DMP1: variants seen among roughly 807,000 people sequenced by gnomAD.
The protein encoded by DMP1 is dentin matrix protein 1.
A neutral mutation model predicts 14.6 loss-of-function variants in DMP1; 20 were observed. That is an observed-to-expected ratio of 1.37 (90% CI 0.96 to 1.99). The LOEUF (loss-of-function observed/expected upper bound fraction) is 1.99, where lower values mean the gene tolerates loss of function less well. Ranked by LOEUF, DMP1 falls within the 30% of genes most tolerant of loss-of-function variation. DMP1 has a pLI of 0.00. For missense variants in DMP1, 567 were observed against 620.5 expected (o/e 0.91, Z 0.92); for synonymous variants, 197 against 215.3 (o/e 0.91, Z 0.75).
intron 5 of DMP1, 113 bp downstream of exon 5, chr4:87,659,591 T>G: frequency 9.4e-7 from 1 of 1,068,864 alleles, no homozygotes. Context: ...AACTATGAGT[T>G]ATGCTGGCTA....
chr4:87,659,558 C>A, intron 5 of DMP1, 80 bp downstream of exon 5: 1 of 1,310,260 alleles, frequency 7.6e-7, no homozygotes, highest in Non-Finnish European at 1.1e-6. Context: ...TACCTGGCGA[C>A]AGTTCTAAAT....
rs546478347 is a variant in DMP1 at position 87,664,213 on chromosome 4, G to T, written c.*893G>T. ...TATTTTTTCTAAAATCAGTTTGCGT[G>T]CAATGCTAGAAAAAAACTGTTCTCT... On this transcript the variant is annotated 3_prime_UTR_variant, in exon 6 of 6. Transcript: ENST00000339673. The T allele has an allele frequency of 8.6e-4, 131 of 152,530 alleles. No homozygotes were observed. Among genetic ancestry groups the T allele is most frequent in the African/African-American group, 3.0e-3 (125 of 41,518 alleles). The allele number at this position is 152,530 out of a possible 1,614,324, so 9.4% of individuals were successfully genotyped here. A position where few individuals can be genotyped will look rare whatever the true frequency, so the allele number is the denominator to read the frequency against.
intron 3 of DMP1, among the ~76,000 whole-genome samples, chr4:87,657,582 C>T (rs1487153962): frequency 6.6e-6 from 1 of 152,112 alleles, no homozygotes; most frequent in Non-Finnish European, 1.5e-5. Context: ...ATTTTCACAC[C>T]TCTGTGAATT....
At chr4:87,654,947 T>C (rs1346282898) in intron 1 of DMP1, among the ~76,000 whole-genome samples, 1 of 152,166 alleles carries the variant, frequency 6.6e-6, no homozygotes, top group Non-Finnish European at 1.5e-5. Flanking sequence ...GGTAAAGATC[T>C]CAGGGCCCAC....
chr4:87,657,084 G>A lies in DMP1; in HGVS notation c.102+5G>A, dbSNP rs1326454509. 2 of 1,489,374 alleles carry A rather than the reference G, an allele frequency of 1.3e-6. No homozygotes were observed. Among genetic ancestry groups the A allele is most frequent in the Non-Finnish European group, 1.9e-6 (2 of 1,068,076 alleles). The allele number at this position is 1,489,374 out of a possible 1,614,324, so 92.3% of individuals were successfully genotyped here. A position where few individuals can be genotyped will look rare whatever the true frequency, so the allele number is the denominator to read the frequency against. ...GAGGATTCTGAAGAATGGAAGGTGA[G>A]TAGAAATATGACTTTTTGAAATATT... On this transcript the variant is annotated splice_donor_5th_base_variant and intron_variant, in intron 3 of 5. Transcript: ENST00000339673.
chr4:87,651,828 C>T (rs1418829417), intron 1 of DMP1, among the ~76,000 whole-genome samples: 1 of 151,914 alleles, frequency 6.6e-6, no homozygotes, highest in Non-Finnish European at 1.5e-5. Context: ...GAATTGTTTT[C>T]CAAAAGAAAA....
rs2615479 is a variant in DMP1, at chr4:87,657,158, A to G, written c.102+79A>G. On this transcript the variant is annotated intron_variant, in intron 3 of 5. Coordinates refer to ENST00000339673, the MANE Select transcript of DMP1 (RefSeq NM_004407.4). ...TAACCAAATTGATTTCATTGCAAAT[A>G]TTGAAACTGCTAATGACTTCATCAG... The G allele has an allele frequency of 0.75, 624,497 of 833,952 alleles. 236,323 individuals are homozygous for G. The highest frequency in any genetic ancestry group is 0.89 in the African/African-American group (52,232 of 58,784). The allele number at this position is 833,952 out of a possible 1,614,324, so 51.7% of individuals were successfully genotyped here. A position where few individuals can be genotyped will look rare whatever the true frequency, so the allele number is the denominator to read the frequency against.
intron 3 of DMP1, chr4:87,658,989 A>C: frequency 1.8e-6 from 1 of 569,290 alleles, no homozygotes; most frequent in Admixed American, 3.2e-5. Flanking sequence ...ATGAAATATC[A>C]GAAATATAAA....
In DMP1 at chr4:87,662,618, C is replaced by T. The variant is rs759841451; in HGVS notation, c.840C>T (p.Ser280=). ...GCATCTCAGAGGAAGATGACAGAAG[C>T]GAGCTTGATGACAACAACACAATGG... ...KSRISEEDDR[S]ELDDNNTMEE... Residue 280 remains serine (S), a synonymous_variant, in exon 6 of 6, where the codon AGC becomes AGT. Coordinates refer to ENST00000339673, the MANE Select transcript of DMP1 (RefSeq NM_004407.4). The T allele has an allele frequency of 8.1e-6, 13 of 1,613,988 alleles. No homozygotes were observed. The highest frequency in any genetic ancestry group is 3.3e-5 in the South Asian group (3 of 91,074).
At chr4:87,658,312 C>CT (rs1728757925) in intron 3 of DMP1, among the ~76,000 whole-genome samples, 1 of 152,332 alleles carries the variant, frequency 6.6e-6, no homozygotes, top group Middle Eastern at 3.4e-3. Context: ...TACTTTGCGC[C>CT]TTGGGTGTTC....
intron 1 of DMP1, among the ~76,000 whole-genome samples, chr4:87,653,181 A>T (rs1169421163): frequency 6.6e-6 from 1 of 151,624 alleles, no homozygotes; most frequent in Non-Finnish European, 1.5e-5. Context: ...ATTAAGAATA[A>T]CTATGCTGAG....
At chr4:87,653,407 A>ATATATATATATATATATATAT (rs1728583481) in intron 1 of DMP1, among the ~76,000 whole-genome samples, 102 of 104,150 alleles carry the variant, frequency 9.8e-4, no homozygotes, top group Non-Finnish European at 1.6e-3. Context: ...ATATATATAT[A>ATATATATATATATATATATAT]TATATATATA....
At chr4:87,652,871 G>A (rs1728560638) in intron 1 of DMP1, among the ~76,000 whole-genome samples, 1 of 152,080 alleles carries the variant, frequency 6.6e-6, no homozygotes, top group African/African-American at 2.4e-5. Context: ...AAATGATGAG[G>A]TAACTTTCAT....
At chr4:87,654,560 A>G (rs1405843166) in intron 1 of DMP1, among the ~76,000 whole-genome samples, 1 of 152,184 alleles carries the variant, frequency 6.6e-6, no homozygotes, top group East Asian at 1.9e-4. Flanking sequence ...AGAAACATCT[A>G]TGGTCCATGT....
At chr4:87,659,292 A>T in intron 4 of DMP1, 40 bp downstream of exon 4, 1 of 1,611,856 alleles carries the variant, frequency 6.2e-7, no homozygotes, top group Non-Finnish European at 8.5e-7. Context: ...CATCTCATGA[A>T]GTAACTTTAA....
chr4:87,662,510 A>C lies in DMP1; in HGVS notation c.732A>C (p.Glu244Asp). 1 of 1,614,208 alleles carries C rather than the reference A, an allele frequency of 6.2e-7. No individual in the cohort carries two copies. The highest frequency in any genetic ancestry group is 8.5e-7 in the Non-Finnish European group (1 of 1,180,040). The change falls in exon 6 of 6, where the codon GAA becomes GAC. Residue 244 changes from glutamate (E) to aspartate (D), a missense_variant. Coordinates refer to ENST00000339673, the MANE Select transcript of DMP1 (RefSeq NM_004407.4). ...GCATGAAATCAAAAGAATCTGGAGA[A>C]AACAGTGAGCAAGCAAACACTCAAG... Reference protein sequence around the residue: ...SAGMKSKESGENSEQANTQDS... With the variant: ...SAGMKSKESGDNSEQANTQDS...
At position 87,659,435 on chromosome 4, in the gene DMP1, G is replaced by C. The variant is rs1283564210; in HGVS notation, c.140G>C (p.Ser47Thr). The C allele has an allele frequency of 1.2e-6, 2 of 1,613,952 alleles. No homozygotes were observed. Among genetic ancestry groups the C allele is most frequent in the South Asian group, 2.2e-5 (2 of 91,080 alleles). The change falls in exon 5 of 6, where the codon AGC becomes ACC. Residue 47 changes from serine to threonine, a missense_variant. By Grantham distance (58) the Ser-to-Thr change is moderately conservative (BLOSUM62 1). Coordinates refer to ENST00000339673, the MANE Select transcript of DMP1 (RefSeq NM_004407.4). Reference protein sequence around the residue: ...LAQAPTPPLESSESSEGSKVS... With the variant: ...LAQAPTPPLETSESSEGSKVS... ...TAAACATTTTTCCCCTTTCAGGAGA[G>C]CAGTGAGTCATCAGAAGGCAGTAAA...
intron 1 of DMP1, among the ~76,000 whole-genome samples, chr4:87,651,935 C>T (rs1000469308): frequency 6.6e-6 from 1 of 152,092 alleles, no homozygotes; most frequent in African/African-American, 2.4e-5. Context: ...ACAAATGTAT[C>T]TTAACCTTGA....
rs765015447 is a variant in DMP1 at position 87,661,974 on chromosome 4, C to T, written c.196C>T (p.Pro66Ser). ...CCCCAAATTCTAGGCAAATGAAGACCCCAGTGACAGCACTCAGTCAGAGGA... is the reference window on the plus strand; with the variant it reads ...CCCCAAATTCTAGGCAAATGAAGACTCCAGTGACAGCACTCAGTCAGAGGA... ...VSSEEQANED[P>S]SDSTQSEEGL... Residue 66 changes from proline (P) to serine (S), a missense_variant, in exon 6 of 6, where the codon CCC becomes TCC. By Grantham distance (74) the Pro-to-Ser change is moderately conservative. Coordinates refer to ENST00000339673, the MANE Select transcript of DMP1 (RefSeq NM_004407.4). 10 of 1,613,926 alleles carry T rather than the reference C, an allele frequency of 6.2e-6. No individual in the cohort carries two copies. In the Admixed American group the frequency reaches 1.5e-4, roughly 24 times the overall value.
Sources: gnomAD v4.1 joint callset for allele counts (sites outside exome capture counted in the v4.1 genomes callset) on GRCh38, gnomAD v4.1.1 for gene constraint, MANE v1.5 for transcripts, NCBI Gene and HGNC (gene_info 2026-07-23, HGNC 2026-07-21) for gene names.